FILIP1: variants seen among roughly 807,000 people sequenced by gnomAD.
FILIP1 encodes the protein filamin-A-interacting protein 1.
Under a neutral mutation model 102.1 loss-of-function variants are expected in FILIP1, and 61 were observed. The ratio of observed to expected loss-of-function variants is 0.60; its 90% CI spans 0.49 to 0.74. The LOEUF (loss-of-function observed/expected upper bound fraction) is 0.74, where lower values mean the gene tolerates loss of function less well. Ranked by LOEUF, FILIP1 falls within the 30% of genes least tolerant of loss-of-function variation. The probability of loss-of-function intolerance (pLI) is 0.00; values close to 1 mark genes in which losing one functional copy is unlikely to be tolerated. For synonymous variants in FILIP1, 491 were observed against 526.9 expected, an observed-to-expected ratio of 0.93 and a Z score of 0.93; for missense variants, 1,314 against 1,441.2, an observed-to-expected ratio of 0.91 and a Z score of 1.43.
At chr6:75,385,436 C>G (rs1187892874) in intron 2 of FILIP1, among the ~76,000 whole-genome samples, 1 of 152,138 alleles carries the variant, frequency 6.6e-6, no homozygotes, top group African/African-American at 2.4e-5. Context: ...ACTGTAAAAT[C>G]AATGCCCTAA....
At chr6:75,345,813 C>A (rs1329364784) in intron 4 of FILIP1, among the ~76,000 whole-genome samples, 1 of 152,134 alleles carries the variant, frequency 6.6e-6, no homozygotes, top group East Asian at 1.9e-4. Flanking sequence ...TTAACCCACC[C>A]ACATGTGTCC....
chr6:75,472,362 A>G (rs999722812), intron 1 of FILIP1, among the ~76,000 whole-genome samples: 1 of 152,152 alleles, frequency 6.6e-6, no homozygotes, highest in African/African-American at 2.4e-5. Flanking sequence ...CTCTTAATAT[A>G]ATTATAACAT....
intron 1 of FILIP1, among the ~76,000 whole-genome samples, chr6:75,470,549 T>C (rs1779299626): frequency 6.6e-6 from 1 of 152,214 alleles, no homozygotes. Flanking sequence ...CCAATATGTT[T>C]ATTTAAATGA....
At chr6:75,292,094 G>A (rs1772560758) in exon 7 of FILIP1, 1 of 152,016 alleles carries the variant, frequency 6.6e-6, no homozygotes, top group Admixed American at 6.5e-5. Flanking sequence ...AAATTCACTT[G>A]GATTCAATGA....
chr6:75,371,744 T>C (rs1775525942), intron 2 of FILIP1, among the ~76,000 whole-genome samples: 1 of 152,198 alleles, frequency 6.6e-6, no homozygotes, highest in Non-Finnish European at 1.5e-5. Flanking sequence ...TCAACAAATG[T>C]TGGGAAAACA....
At chr6:75,338,008 G>A (rs987833575) in intron 4 of FILIP1, among the ~76,000 whole-genome samples, 7 of 152,162 alleles carry the variant, frequency 4.6e-5, no homozygotes, top group Middle Eastern at 3.2e-3. Context: ...CTAAGAGCAC[G>A]CTGGATGTGG....
chr6:75,387,931 G>T (rs1776154153), intron 2 of FILIP1, among the ~76,000 whole-genome samples: 1 of 152,000 alleles, frequency 6.6e-6, no homozygotes. Flanking sequence ...CATTGCTTTT[G>T]GTGTTTTAGT....
chr6:75,479,038 A>G (rs1779569184), intron 1 of FILIP1, among the ~76,000 whole-genome samples: 1 of 152,222 alleles, frequency 6.6e-6, no homozygotes, highest in South Asian at 2.1e-4. Flanking sequence ...AGTTGCTATC[A>G]AGATGTACTT....
intron 2 of FILIP1, among the ~76,000 whole-genome samples, chr6:75,385,936 T>C (rs1776080925): frequency 6.6e-6 from 1 of 152,084 alleles, no homozygotes; most frequent in Admixed American, 6.6e-5. Context: ...TACTAGCTTG[T>C]ATAATGTTTC....
intron 1 of FILIP1, among the ~76,000 whole-genome samples, chr6:75,471,300 A>G (rs1448916716): frequency 3.3e-5 from 5 of 152,116 alleles, no homozygotes; most frequent in Non-Finnish European, 7.4e-5. Context: ...AAATAATAAT[A>G]AAGGATTAGA....
intron 1 of FILIP1, among the ~76,000 whole-genome samples, chr6:75,479,823 C>T (rs1025633833): frequency 6.4e-5 from 8 of 125,880 alleles, no homozygotes; most frequent in African/African-American, 1.2e-4. Flanking sequence ...GAGCCAAGAT[C>T]GTACCGCTAC....
At position 75,313,074 on chromosome 6, in the gene FILIP1, T is replaced by C; in HGVS notation, c.2758A>G (p.Asn920Asp). The change falls in exon 5 of 6, where the codon AAC (asparagine) becomes GAC (aspartate). Residue 920 changes from asparagine (N) to aspartate (D), a missense_variant. Asn to Asp is a conservative substitution (Grantham distance 23). Around this residue, in one of 3 missense-constraint regions of FILIP1, gnomAD observed 816 missense variants for 913.1 expected, o/e 0.89. Transcript: ENST00000237172. The surrounding 1 kb of genome is among the most constrained non-coding windows in gnomAD (Gnocchi z 4.2). Reference sequence around the variant, plus strand: ...GTTATCTCCAAAGTCGCAGTGCTGTTCTCGTGGTCTGGTGTCACTCGAATA... The same window carrying C: ...GTTATCTCCAAAGTCGCAGTGCTGTCCTCGTGGTCTGGTGTCACTCGAATA... ...LHIRVTPDHE[N>D]STATLEITSP... is the part of the protein sequence containing the mutation. 1 of 1,614,218 alleles carries C rather than the reference T, an allele frequency of 6.2e-7. No homozygotes were observed. The highest frequency in any genetic ancestry group is 1.1e-5 in the South Asian group (1 of 91,086).
chr6:75,328,827 C>G (rs996461565), intron 4 of FILIP1, among the ~76,000 whole-genome samples: 1 of 151,984 alleles, frequency 6.6e-6, no homozygotes, highest in African/African-American at 2.4e-5. Context: ...TAATATTTAG[C>G]TCGCCCCTCT....
At chr6:75,394,613 C>A (rs1411360174) in intron 2 of FILIP1, among the ~76,000 whole-genome samples, 1 of 152,044 alleles carries the variant, frequency 6.6e-6, no homozygotes, top group Non-Finnish European at 1.5e-5. Context: ...AATGGAAAAA[C>A]AGGCAAAGAT....
intron 1 of FILIP1, among the ~76,000 whole-genome samples, chr6:75,459,299 A>G (rs753624468): frequency 2.6e-5 from 4 of 152,222 alleles, no homozygotes; most frequent in Non-Finnish European, 4.4e-5. Context: ...AAAACGCAGT[A>G]TTAAAAATAT....
intron 5 of FILIP1, among the ~76,000 whole-genome samples, chr6:75,310,592 C>G (rs1241704164): frequency 6.6e-6 from 1 of 152,162 alleles, no homozygotes; most frequent in Non-Finnish European, 1.5e-5. Context: ...GAGGTTTAAT[C>G]AGTAGTCAAA....
At chr6:75,368,812 T>C (rs1286420903) in intron 2 of FILIP1, among the ~76,000 whole-genome samples, 1 of 152,192 alleles carries the variant, frequency 6.6e-6, no homozygotes, top group Non-Finnish European at 1.5e-5. Context: ...TTGGATTTTG[T>C]CACAGAAAAG....
intron 4 of FILIP1, among the ~76,000 whole-genome samples, chr6:75,324,165 C>T (rs1306820128): frequency 6.6e-6 from 1 of 152,014 alleles, no homozygotes; most frequent in African/African-American, 2.4e-5. Flanking sequence ...ATCCAGAAAG[C>T]TTCTAGATCT....
chr6:75,304,367 A>G (rs1239679827), downstream of FILIP1, among the ~76,000 whole-genome samples: 1 of 152,054 alleles, frequency 6.6e-6, no homozygotes, highest in Admixed American at 6.6e-5. Context: ...ATGCACCACC[A>G]TGCCCAGCTA....
Sources: allele counts gnomAD v4.1 joint callset (sites outside exome capture counted in the v4.1 genomes callset), GRCh38; gene constraint gnomAD v4.1.1; regional missense constraint gnomAD v4.1.1; non-coding constraint Gnocchi (gnomAD v3.1); transcripts MANE v1.5; gene names NCBI Gene and HGNC (gene_info 2026-07-23, HGNC 2026-07-21).